The following TSGA10 variants were observed in gnomAD, a reference collection of about 807,000 sequenced individuals.
TSGA10 encodes testis-specific gene 10 protein.
TSGA10 carries 43 observed loss-of-function variants against 96.6 expected under a neutral mutation model. The ratio of observed to expected loss-of-function variants is 0.44; its 90% CI spans 0.35 to 0.57. The LOEUF is 0.57. TSGA10 is among the 20% of genes least tolerant of loss of function. The pLI, the probability that TSGA10 is intolerant of heterozygous loss-of-function variation, is 0.01. For missense variants in TSGA10, 703 were observed against 834.4 expected, an observed-to-expected ratio of 0.84 and a Z score of 1.94; for synonymous variants, 229 against 269.9, an observed-to-expected ratio of 0.85 and a Z score of 1.48.
chr2:99,077,127 C>CTTT (rs35876721), intron 12 of TSGA10, among the ~76,000 whole-genome samples: 752 of 70,482 alleles, frequency 0.011, 161 homozygotes, highest in Middle Eastern at 0.018. Flanking sequence ...GACCATTCAC[C>CTTT]TTTTTTTTTT....
intron 20 of TSGA10, among the ~76,000 whole-genome samples, chr2:99,004,865 T>G: frequency 6.6e-6 from 1 of 152,154 alleles, no homozygotes; most frequent in Non-Finnish European, 1.5e-5. Context: ...ACCAATATCC[T>G]TGATGAACAC....
chr2:99,117,124 G>A (rs573896733), intron 4 of TSGA10: 1 of 152,166 alleles, frequency 6.6e-6, no homozygotes, highest in Non-Finnish European at 1.5e-5. Flanking sequence ...CGGCTGCGGT[G>A]TTGCTGGATC....
chr2:99,134,677 T>C (rs1399890722), intron 1 of TSGA10, among the ~76,000 whole-genome samples: 1 of 152,186 alleles, frequency 6.6e-6, no homozygotes, highest in African/African-American at 2.4e-5. Flanking sequence ...TTTTGAAATT[T>C]TCAGCCTTTT....
chr2:99,027,085 G>T (rs953829131), intron 17 of TSGA10, among the ~76,000 whole-genome samples: 4 of 152,252 alleles, frequency 2.6e-5, no homozygotes, highest in African/African-American at 9.6e-5. Context: ...AAGAGGTGGA[G>T]CTCAGGCAGT....
At chr2:99,064,031 A>C (rs531416799) in intron 16 of TSGA10, among the ~76,000 whole-genome samples, 1 of 152,300 alleles carries the variant, frequency 6.6e-6, no homozygotes, top group East Asian at 1.9e-4. Flanking sequence ...ACATTTGAGA[A>C]AATAACTCAG....
intron 16 of TSGA10, among the ~76,000 whole-genome samples, chr2:99,054,231 A>G (rs990297594): frequency 2.6e-5 from 4 of 152,224 alleles, no homozygotes; most frequent in Non-Finnish European, 5.9e-5. Context: ...ATTCATTTAC[A>G]GTCAATTGAC....
intron 16 of TSGA10, 113 bp from the exon 17 acceptor site, chr2:99,035,552 A>G (rs1272715402): frequency 1.6e-6 from 1 of 632,004 alleles, no homozygotes. Flanking sequence ...CTTAGATTGT[A>G]TGAAGTTTAA....
At chr2:99,030,960 C>T (rs960075744) in intron 17 of TSGA10, among the ~76,000 whole-genome samples, 6 of 151,238 alleles carry the variant, frequency 4.0e-5, no homozygotes, top group African/African-American at 1.5e-4. Context: ...TATCAAAATT[C>T]AAGCAGGATT....
chr2:99,140,481 GA>G (rs537635393), intron 1 of TSGA10, among the ~76,000 whole-genome samples: 36 of 137,916 alleles, frequency 2.6e-4, no homozygotes, highest in Non-Finnish European at 2.5e-4. Flanking sequence ...CCGAAGCTGC[GA>G]AAAAAAAAAA....
intron 1 of TSGA10, among the ~76,000 whole-genome samples, chr2:99,135,124 G>C (rs1001980191): frequency 6.6e-6 from 1 of 152,200 alleles, no homozygotes; most frequent in Non-Finnish European, 1.5e-5. Flanking sequence ...TGGGCACTCT[G>C]CTGCTCTCTT....
Position 99,069,003 on chromosome 2 carries a change from G to GA in TSGA10, c.1108-6dup, listed in dbSNP as rs369236689. ...ATTCAATTTTTTGGACAGTGCCTAC[G>GA]AAAAAAAGATAGGTATATTTGACTA... On this transcript the variant is annotated splice_region_variant and splice_polypyrimidine_tract_variant and intron_variant, in intron 14 of 20. Transcript: ENST00000393483. 7 of 1,395,332 alleles carry GA rather than the reference G, an allele frequency of 5.0e-6. No homozygotes were observed. The highest frequency in any genetic ancestry group is 3.6e-5 in the South Asian group (2 of 56,220). 86.4% of individuals were successfully genotyped at this position (1,395,332 alleles called of 1,614,324 possible). A position where few individuals can be genotyped will look rare whatever the true frequency, so the allele number is the denominator to read the frequency against.
intron 19 of TSGA10, 28 bp downstream of exon 19, chr2:99,018,508 T>G (rs2079731557): frequency 6.2e-7 from 1 of 1,604,100 alleles, no homozygotes; most frequent in Non-Finnish European, 8.5e-7. Flanking sequence ...AAAGCATTGT[T>G]TTTGAGCTTG....
intron 17 of TSGA10, among the ~76,000 whole-genome samples, chr2:99,029,958 G>T (rs565850419): frequency 1.5e-4 from 23 of 152,328 alleles, no homozygotes; most frequent in African/African-American, 5.5e-4. Flanking sequence ...TATAGTGGTT[G>T]TTTACCTAGA....
intron 1 of TSGA10, among the ~76,000 whole-genome samples, chr2:99,127,893 ATAC>A (rs1360531772): frequency 6.6e-6 from 1 of 152,234 alleles, no homozygotes; most frequent in East Asian, 1.9e-4. Context: ...CTAGAAATTT[ATAC>A]TACAGCTATA....
intron 17 of TSGA10, among the ~76,000 whole-genome samples, chr2:99,026,251 A>C (rs1161624120): frequency 6.6e-6 from 1 of 152,182 alleles, no homozygotes; most frequent in Non-Finnish European, 1.5e-5. Context: ...ATTCCTACAT[A>C]GCTGTTTTTC....
chr2:99,095,394 A>G (rs1456569121), intron 10 of TSGA10, among the ~76,000 whole-genome samples: 1 of 152,204 alleles, frequency 6.6e-6, no homozygotes, highest in Non-Finnish European at 1.5e-5. Context: ...AAACCTATGG[A>G]AATTAAACAA....
In TSGA10 at chr2:99,104,024, T is replaced by C. The variant is rs771831674; in HGVS notation, c.554A>G (p.Lys185Arg). The C allele has an allele frequency of 6.2e-7, 1 of 1,614,144 alleles. No homozygotes were observed. Among genetic ancestry groups the C allele is most frequent in the South Asian group, 1.1e-5 (1 of 91,082 alleles). The change falls in exon 10 of 21, where the codon AAG (lysine) becomes AGG (arginine). Residue 185 changes from lysine (K) to arginine (R), a missense_variant. By Grantham distance (26) the Lys-to-Arg change is conservative (BLOSUM62 2). Transcript: ENST00000393483. ...AAGTTCACTTTCGGTATCCATTGCC[T>C]TTCTTGCTAGTGATTTCATTTCTTT... ...VEKEMKSLAR[K>R]AMDTESELGR...
intron 1 of TSGA10, among the ~76,000 whole-genome samples, chr2:99,152,444 C>A (rs75560285): frequency 6.6e-6 from 1 of 152,138 alleles, no homozygotes; most frequent in Non-Finnish European, 1.5e-5. Context: ...TGCCACCATA[C>A]CCAGCATGTT....
chr2:99,068,994 A>C lies in TSGA10; in HGVS notation c.1112T>G (p.Leu371Arg). 6.9e-7 allele frequency: 1 copy of C among 1,444,510 alleles called. No individual in the cohort carries two copies. Among genetic ancestry groups the C allele is most frequent in the East Asian group, 2.7e-5 (1 of 37,404 alleles). 89.5% of individuals were successfully genotyped at this position (1,444,510 alleles called of 1,614,324 possible). A position where few individuals can be genotyped will look rare whatever the true frequency, so the allele number is the denominator to read the frequency against. ...FAKAKQENQA[L>R]SKKLNDTHNE... ...ATGAGTGTCATTCAATTTTTTGGACAGTGCCTACGAAAAAAAGATAGGTAT... is the reference window on the plus strand; with the variant it reads ...ATGAGTGTCATTCAATTTTTTGGACCGTGCCTACGAAAAAAAGATAGGTAT... The change falls in exon 15 of 21, where the codon CTG (leucine) becomes CGG (arginine). Residue 371 changes from leucine to arginine, a missense_variant. By Grantham distance (102) the Leu-to-Arg change is moderately radical. Transcript: ENST00000393483.
Sources: gnomAD v4.1 joint callset for allele counts (sites outside exome capture counted in the v4.1 genomes callset) on GRCh38, gnomAD v4.1.1 for gene constraint, MANE v1.5 for transcripts, NCBI Gene and HGNC (gene_info 2026-07-23, HGNC 2026-07-21) for gene names.